The following PELI1 variants were observed in gnomAD, a reference collection of about 807,000 sequenced individuals.
PELI1 encodes the protein pellino E3 ubiquitin protein ligase 1, also known as E3 ubiquitin-protein ligase pellino homolog 1.
Under a neutral mutation model 41.3 loss-of-function variants are expected in PELI1, and 15 were observed. The observed-to-expected ratio is 0.36, with a 90% CI of 0.24 to 0.56. The LOEUF is 0.56. Ranked by LOEUF, PELI1 falls within the 20% of genes least tolerant of loss-of-function variation. The pLI, the probability that PELI1 is intolerant of heterozygous loss-of-function variation, is 0.82. For missense variants in PELI1, 403 were observed against 525.5 expected (o/e 0.77, Z 2.28); for synonymous variants, 178 against 180.1 (o/e 0.99, Z 0.09).
chr2:64,125,763 G>C (rs1681362755), intron 1 of PELI1, among the ~76,000 whole-genome samples: 2 of 152,170 alleles, frequency 1.3e-5, no homozygotes, highest in African/African-American at 4.8e-5. Context: ...AGTACAGGTT[G>C]AACAACCCGA....
At position 64,093,371 on chromosome 2, in the gene PELI1, G is replaced by A. The variant is rs1352618978; in HGVS notation, c.*1331C>T. The A allele has an allele frequency of 6.6e-5, 10 of 152,602 alleles. No homozygotes were observed. The highest frequency in any genetic ancestry group is 2.1e-4 in the South Asian group (1 of 4,828). 9.5% of individuals were successfully genotyped at this position (152,602 alleles called of 1,614,324 possible). On this transcript the variant is annotated 3_prime_UTR_variant, in exon 7 of 7. Coordinates refer to ENST00000358912, the MANE Select transcript of PELI1 (RefSeq NM_020651.4). ...AGAAGATACTGTCTAATCTAAAAGT[G>A]TACTGGTTTCTACAAGTGTCAAAAA...
At chr2:64,133,475 G>A (rs1681623248) in intron 1 of PELI1, among the ~76,000 whole-genome samples, 1 of 152,046 alleles carries the variant, frequency 6.6e-6, no homozygotes, top group South Asian at 2.1e-4. Flanking sequence ...TGACAGTGCT[G>A]TATAAAAAAG....
At chr2:64,131,609 TA>T (rs1188653176) in intron 1 of PELI1, among the ~76,000 whole-genome samples, 1 of 151,696 alleles carries the variant, frequency 6.6e-6, no homozygotes, top group Non-Finnish European at 1.5e-5. Context: ...AGTGAAATAG[TA>T]ATCTCTCTCT....
chr2:64,139,975 T>C (rs1262746791), intron 1 of PELI1, among the ~76,000 whole-genome samples: 2 of 152,242 alleles, frequency 1.3e-5, no homozygotes, highest in Admixed American at 6.5e-5. Flanking sequence ...GCACCTTGTA[T>C]GTTGAAATTT....
chr2:64,128,466 A>G (rs1009452245), intron 1 of PELI1, among the ~76,000 whole-genome samples: 12 of 152,134 alleles, frequency 7.9e-5, no homozygotes, highest in Non-Finnish European at 1.5e-4. Flanking sequence ...TAAATATACT[A>G]TATACATCTT....
intron 1 of PELI1, among the ~76,000 whole-genome samples, chr2:64,124,322 GAAGCAAGC>G (rs902931155): frequency 6.6e-6 from 1 of 151,924 alleles, no homozygotes; most frequent in African/African-American, 2.4e-5. Context: ...TCAATAAAGC[GAAGCAAGC>G]AAGCAAGCAA....
At chr2:64,119,471 T>G (rs900193217) in intron 1 of PELI1, among the ~76,000 whole-genome samples, 1 of 152,188 alleles carries the variant, frequency 6.6e-6, no homozygotes, top group Non-Finnish European at 1.5e-5. Context: ...CCAGTTACAG[T>G]TGGAACCACA....
chr2:64,105,573 C>G lies in PELI1; in HGVS notation c.72-743G>C, dbSNP rs987951491. On this transcript the variant is annotated intron_variant, in intron 2 of 6. Coordinates refer to ENST00000358912, the MANE Select transcript of PELI1 (RefSeq NM_020651.4). Reference sequence around the variant, plus strand: ...ATTGAATGCTATCCCATACACATCACCTCACTAAATCTACCCTTGCAAAAA... The same window carrying G: ...ATTGAATGCTATCCCATACACATCAGCTCACTAAATCTACCCTTGCAAAAA... Among the ~76,000 whole-genome samples the G allele has an allele frequency of 2.0e-5, 3 of 152,154 alleles. No homozygotes were observed. In the East Asian group the frequency reaches 5.8e-4, roughly 29 times the overall value.
At chr2:64,139,406 A>C (rs968451492) in intron 1 of PELI1, among the ~76,000 whole-genome samples, 1 of 151,976 alleles carries the variant, frequency 6.6e-6, no homozygotes, top group African/African-American at 2.4e-5. Context: ...CCCAGGCTTA[A>C]GTGATCTTCC....
intron 1 of PELI1, among the ~76,000 whole-genome samples, chr2:64,114,135 AT>A (rs1680912481): frequency 6.6e-6 from 1 of 151,990 alleles, no homozygotes. Flanking sequence ...ATGTTATAAC[AT>A]TTTTTTATGA....
At chr2:64,139,191 T>C (rs186224608) in intron 1 of PELI1, among the ~76,000 whole-genome samples, 1 of 152,380 alleles carries the variant, frequency 6.6e-6, no homozygotes, top group East Asian at 1.9e-4. Context: ...CTAAGCTTCA[T>C]ACATTGCATT....
At chr2:64,122,003 GCTTTT>G (rs910487352) in intron 1 of PELI1, among the ~76,000 whole-genome samples, 1 of 151,166 alleles carries the variant, frequency 6.6e-6, no homozygotes. Flanking sequence ...AAATTTCTAA[GCTTTT>G]CTTTTCAAAA....
chr2:64,139,854 C>T (rs1576107538), intron 1 of PELI1, among the ~76,000 whole-genome samples: 1 of 152,334 alleles, frequency 6.6e-6, no homozygotes, highest in South Asian at 2.1e-4. Context: ...AAACACAGCA[C>T]TCTAGGCAGC....
intron 1 of PELI1, among the ~76,000 whole-genome samples, chr2:64,109,693 G>GAAACAA (rs1201271075): frequency 1.2e-4 from 18 of 151,566 alleles, no homozygotes; most frequent in African/African-American, 4.1e-4. Context: ...AACAAAAACA[G>GAAACAA]AAACAAAAAC....
chr2:64,132,023 G>C (rs951662281), intron 1 of PELI1, among the ~76,000 whole-genome samples: 1 of 152,152 alleles, frequency 6.6e-6, no homozygotes, highest in Non-Finnish European at 1.5e-5. Flanking sequence ...TAGTTAATAT[G>C]TCTAATAAGC....
chr2:64,120,939 C>A (rs147763470), intron 1 of PELI1, among the ~76,000 whole-genome samples: 320 of 152,256 alleles, frequency 2.1e-3, no homozygotes, highest in African/African-American at 7.3e-3. Flanking sequence ...TAACTTAATG[C>A]CTTGGCACAA....
intron 1 of PELI1, among the ~76,000 whole-genome samples, chr2:64,120,382 A>G (rs1438194946): frequency 6.6e-6 from 1 of 152,234 alleles, no homozygotes; most frequent in Admixed American, 6.5e-5. Context: ...GATTAATTAC[A>G]TTTAAGATTA....
In PELI1 at chr2:64,094,906, A is replaced by C; in HGVS notation, c.1053T>G (p.Ala351=). The part of the protein sequence containing the change: ...PYVPLWLGCE[A]GFYVDAGPPT... ...GAGGGCCGGCGTCCACATAAAATCCAGCTTCACATCCAAGCCACAGAGGAA... is the reference window on the plus strand; with the variant it reads ...GAGGGCCGGCGTCCACATAAAATCCCGCTTCACATCCAAGCCACAGAGGAA... Residue 351 remains alanine (A), a synonymous_variant, in exon 7 of 7, where the codon GCT becomes GCG. Transcript: ENST00000358912. 10 of 1,614,226 alleles carry C rather than the reference A, an allele frequency of 6.2e-6. No individual in the cohort carries two copies. Among genetic ancestry groups the C allele is most frequent in the Non-Finnish European group, 8.5e-6 (10 of 1,180,046 alleles).
At chr2:64,113,724 T>C (rs1251971066) in intron 1 of PELI1, among the ~76,000 whole-genome samples, 2 of 152,186 alleles carry the variant, frequency 1.3e-5, no homozygotes, top group East Asian at 1.9e-4. Context: ...TTATTAGGAA[T>C]AGTATTATTA....
Sources: allele counts gnomAD v4.1 joint callset (sites outside exome capture counted in the v4.1 genomes callset), GRCh38; gene constraint gnomAD v4.1.1; transcripts MANE v1.5; gene names NCBI Gene and HGNC (gene_info 2026-07-23, HGNC 2026-07-21).